The following PSD3 variants were observed in gnomAD, a reference collection of about 807,000 sequenced individuals.
PSD3 encodes pleckstrin and Sec7 domain containing 3.
A neutral mutation model predicts 105.5 loss-of-function variants in PSD3; 49 were observed. The ratio of observed to expected loss-of-function variants is 0.46; its 90% confidence interval spans 0.37 to 0.59. The LOEUF (loss-of-function observed/expected upper bound fraction) is 0.59. Among genes scored for constraint, PSD3 ranks in the 20% least tolerant of loss-of-function variants. PSD3 has a pLI of 0.00. For synonymous variants in PSD3, 557 were observed against 457.8 expected (o/e 1.22, Z -2.77); for missense variants, 1,561 against 1,263.8 (o/e 1.24, Z -3.57).
At chr8:18,569,510 T>G (rs1181199300) in intron 14 of PSD3, among the ~76,000 whole-genome samples, 1 of 141,458 alleles carries the variant, frequency 7.1e-6, no homozygotes, top group African/African-American at 2.7e-5. Flanking sequence ...CACAATTGCT[T>G]CAAAGAGAAT....
At chr8:18,682,432 C>T (rs535690474) in intron 9 of PSD3, among the ~76,000 whole-genome samples, 19 of 152,236 alleles carry the variant, frequency 1.2e-4, no homozygotes, top group South Asian at 2.1e-4. Flanking sequence ...AGCAGGAGAC[C>T]GCAGTCCTGA....
At chr8:18,539,079 G>A (rs551070569) in intron 15 of PSD3, among the ~76,000 whole-genome samples, 1 of 152,352 alleles carries the variant, frequency 6.6e-6, no homozygotes, top group East Asian at 1.9e-4. Flanking sequence ...CAGTCTCTGA[G>A]TCTAGATTTT....
intron 2 of PSD3, among the ~76,000 whole-genome samples, chr8:18,917,752 A>G (rs1458075784): frequency 6.6e-6 from 1 of 152,114 alleles, no homozygotes; most frequent in Non-Finnish European, 1.5e-5. Flanking sequence ...TCAAGCAAAC[A>G]CATCAGAAGA....
intron 1 of PSD3, among the ~76,000 whole-genome samples, chr8:18,941,956 G>T (rs540211094): frequency 2.6e-5 from 4 of 152,116 alleles, no homozygotes; most frequent in African/African-American, 9.7e-5. Context: ...TACAACAGGT[G>T]TGAGCTGCCA....
intron 1 of PSD3, among the ~76,000 whole-genome samples, chr8:19,067,584 G>C (rs1239827979): frequency 1.3e-5 from 2 of 152,194 alleles, no homozygotes; most frequent in East Asian, 3.9e-4. Context: ...CCAGAAGGTG[G>C]AACCACAGTC....
At chr8:18,853,999 A>T (rs527714976) in intron 4 of PSD3, 1 of 149,882 alleles carries the variant, frequency 6.7e-6, no homozygotes, top group Admixed American at 6.7e-5. Context: ...CATTTGAAAT[A>T]ATCTATTTTC....
In PSD3 at chr8:18,804,826, C is replaced by T. The variant is rs761872631; in HGVS notation, c.1707G>A (p.Glu569=). ...TACCATTACTGAGATTTTCTGGGGT[C>T]TCCTTTTCCAAAATTTCAGTGCTCC... ...EMGSTEILEK[E]TPENLSNGTS... Residue 569 remains glutamate (E), a synonymous_variant, in exon 5 of 16, where the codon GAG becomes GAA. Transcript: ENST00000327040. The T allele has an allele frequency of 6.2e-7, 1 of 1,613,930 alleles. No individual in the cohort carries two copies. Among genetic ancestry groups the T allele is most frequent in the Non-Finnish European group, 8.5e-7 (1 of 1,179,838 alleles).
chr8:18,970,344 A>AAG (rs1554556350), intron 1 of PSD3, among the ~76,000 whole-genome samples: 19 of 148,410 alleles, frequency 1.3e-4, no homozygotes, highest in Non-Finnish European at 2.5e-4. Context: ...AAAAAAAAAA[A>AAG]AAAACAAAGA....
At chr8:18,558,337 TTTCC>T (rs1801200916) in intron 14 of PSD3, among the ~76,000 whole-genome samples, 1 of 152,194 alleles carries the variant, frequency 6.6e-6, no homozygotes, top group African/African-American at 2.4e-5. Flanking sequence ...CATGATGTAT[TTTCC>T]TTCTTTTCTA....
intron 1 of PSD3, among the ~76,000 whole-genome samples, chr8:18,945,034 G>C (rs1424787498): frequency 6.6e-6 from 1 of 152,010 alleles, no homozygotes; most frequent in Non-Finnish European, 1.5e-5. Flanking sequence ...TTGGAGAGTA[G>C]CTGCTTATAG....
chr8:18,834,367 G>A (rs1336558741), intron 4 of PSD3, among the ~76,000 whole-genome samples: 4 of 152,148 alleles, frequency 2.6e-5, no homozygotes, highest in Admixed American at 2.0e-4. Flanking sequence ...AAGGGCTTTT[G>A]GGTACCCATA....
chr8:18,954,297 T>G (rs1823420536), intron 1 of PSD3, among the ~76,000 whole-genome samples: 1 of 152,172 alleles, frequency 6.6e-6, no homozygotes, highest in Admixed American at 6.6e-5. Flanking sequence ...GGTTCAATGC[T>G]GAATTTGACC....
intron 9 of PSD3, among the ~76,000 whole-genome samples, chr8:18,667,775 G>A (rs974437089): frequency 4.6e-5 from 7 of 152,188 alleles, no homozygotes; most frequent in Non-Finnish European, 7.4e-5. Context: ...AGCCCATGGC[G>A]GGGTGGGGGA....
At chr8:18,990,724 A>C (rs1258743403) in intron 1 of PSD3, among the ~76,000 whole-genome samples, 1 of 152,200 alleles carries the variant, frequency 6.6e-6, no homozygotes, top group Non-Finnish European at 1.5e-5. Flanking sequence ...GTAATTACAC[A>C]ATCAGAAAAG....
chr8:18,954,283 G>T (rs1188135974), intron 1 of PSD3, among the ~76,000 whole-genome samples: 2 of 152,204 alleles, frequency 1.3e-5, no homozygotes, highest in South Asian at 2.1e-4. Flanking sequence ...AAGATTTGGG[G>T]AGGGGTTCAA....
At position 18,529,229 on chromosome 8, in the gene PSD3, C is replaced by T. The variant is rs1316318247; in HGVS notation, c.*6514G>A. ...CACAAGAAAGAATGTGATATGGATC[C>T]CCTCATTTATGTGTTAAAAATATAA... On this transcript the variant is annotated 3_prime_UTR_variant, in exon 16 of 16. Transcript: ENST00000327040. 1 of 152,118 alleles carries T rather than the reference C, an allele frequency of 6.6e-6. No individual in the cohort carries two copies. Among genetic ancestry groups the T allele is most frequent in the African/African-American group, 2.4e-5 (1 of 41,406 alleles). 9.4% of individuals were successfully genotyped at this position (152,118 alleles called of 1,614,324 possible).
At chr8:18,882,156 T>A (rs1450318916) in intron 2 of PSD3, among the ~76,000 whole-genome samples, 1 of 152,112 alleles carries the variant, frequency 6.6e-6, no homozygotes, top group Non-Finnish European at 1.5e-5. Context: ...TGCAGTGAAC[T>A]GTGATTGTGC....
At chr8:19,022,747 A>G (rs1827403675) in intron 1 of PSD3, among the ~76,000 whole-genome samples, 1 of 152,114 alleles carries the variant, frequency 6.6e-6, no homozygotes, top group Non-Finnish European at 1.5e-5. Context: ...TGGAGAGTAG[A>G]GCCAGGCAAC....
At chr8:18,752,119 C>T (rs974520686) in intron 9 of PSD3, among the ~76,000 whole-genome samples, 6 of 151,698 alleles carry the variant, frequency 4.0e-5, no homozygotes, top group Middle Eastern at 3.4e-3. Flanking sequence ...ACCCAGGAGG[C>T]GGAGGTTGCA....
Sources: gnomAD v4.1 joint callset for allele counts (sites outside exome capture counted in the v4.1 genomes callset) on GRCh38, gnomAD v4.1.1 for gene constraint, MANE v1.5 for transcripts, NCBI Gene and HGNC (gene_info 2026-07-23, HGNC 2026-07-21) for gene names.